VPS41: variants seen among roughly 807,000 people sequenced by gnomAD.
VPS41 encodes VPS41 subunit of HOPS complex, also known as vacuolar protein sorting-associated protein 41 homolog.
VPS41 carries 85 observed loss-of-function variants against 130.9 expected under a neutral mutation model. The observed-to-expected ratio is 0.65, with a 90% confidence interval of 0.55 to 0.78. The LOEUF is 0.78. VPS41 is among the 30% of genes least tolerant of loss of function. The pLI, the probability that VPS41 is intolerant of heterozygous loss-of-function variation, is 0.00. For missense variants in VPS41, 874 were observed against 1,018.7 expected (o/e 0.86, Z 1.93); for synonymous variants, 335 against 332.9 (o/e 1.01, Z -0.07).
intron 4 of VPS41, among the ~76,000 whole-genome samples, chr7:38,845,860 C>G (rs557063020): frequency 2.6e-5 from 4 of 152,284 alleles, no homozygotes; most frequent in South Asian, 2.1e-4. Flanking sequence ...ACTTTTCTTT[C>G]CGTATATAAG....
chr7:38,770,528 T>C (rs1246674866), intron 14 of VPS41, among the ~76,000 whole-genome samples: 5 of 152,102 alleles, frequency 3.3e-5, no homozygotes, highest in South Asian at 2.1e-4. Context: ...ATGTGGAGTT[T>C]TACAGAGAAG....
chr7:38,876,014 A>G (rs1341836578), intron 2 of VPS41, among the ~76,000 whole-genome samples: 1 of 152,220 alleles, frequency 6.6e-6, no homozygotes, highest in Admixed American at 6.5e-5. Context: ...TTAAATGAGT[A>G]GTTCTCAGCC....
intron 9 of VPS41, among the ~76,000 whole-genome samples, chr7:38,792,750 G>C (rs6462865): frequency 0.69 from 105,268 of 151,932 alleles, 37,871 homozygotes; most frequent in East Asian, 0.88. Context: ...TCCTACCTCA[G>C]TCAAATTAAA....
At chr7:38,900,464 A>C (rs1787117643) in intron 1 of VPS41, among the ~76,000 whole-genome samples, 1 of 152,170 alleles carries the variant, frequency 6.6e-6, no homozygotes, top group Non-Finnish European at 1.5e-5. Context: ...GGTGACAGTG[A>C]CACTAAAATC....
intron 7 of VPS41, among the ~76,000 whole-genome samples, chr7:38,811,455 T>A (rs1487170839): frequency 6.6e-6 from 1 of 152,064 alleles, no homozygotes; most frequent in Non-Finnish European, 1.5e-5. Flanking sequence ...AAAGTTTGTA[T>A]GTTACAAGTC....
chr7:38,771,717 C>T (rs1226958261), intron 13 of VPS41, among the ~76,000 whole-genome samples: 2 of 152,106 alleles, frequency 1.3e-5, no homozygotes, highest in Non-Finnish European at 2.9e-5. Context: ...AAAATTAAGT[C>T]TTTGAAAAAT....
rs899192019 is a variant in VPS41 at position 38,808,442 on chromosome 7, T to C, written c.450+9375A>G. On this transcript the variant is annotated intron_variant, in intron 7 of 28. Transcript: ENST00000310301. ...TTTTTAATCAATTTTGGTACATTGA[T>C]GACAGCATGAAATACATTTCTAGGA... Among the ~76,000 whole-genome samples, 19 of 152,194 alleles carry C rather than the reference T, an allele frequency of 1.2e-4. 2 individuals carry two copies. Among genetic ancestry groups the C allele is most frequent in the East Asian group, 9.6e-4 (5 of 5,196 alleles).
intron 19 of VPS41, 24 bp from the exon 20 acceptor site, chr7:38,754,960 A>G (rs1783759956): frequency 1.2e-6 from 2 of 1,610,500 alleles, no homozygotes; most frequent in Non-Finnish European, 1.7e-6. Context: ...GAAAAGCCAC[A>G]GTCAATGAAA....
At chr7:38,852,562 G>A (rs1481765248) in intron 4 of VPS41, among the ~76,000 whole-genome samples, 1 of 152,122 alleles carries the variant, frequency 6.6e-6, no homozygotes, top group Non-Finnish European at 1.5e-5. Flanking sequence ...TATCCATTAA[G>A]TATTCAACTA....
chr7:38,732,723 GTA>G (rs1795691829), intron 25 of VPS41, among the ~76,000 whole-genome samples: 1 of 152,100 alleles, frequency 6.6e-6, no homozygotes, highest in Non-Finnish European at 1.5e-5. Context: ...CGTAATGCTG[GTA>G]TTAGGGTTAC....
intron 2 of VPS41, among the ~76,000 whole-genome samples, chr7:38,870,739 C>CAA (rs70977434): frequency 2.4e-3 from 72 of 29,718 alleles, no homozygotes; most frequent in African/African-American, 3.9e-3. Flanking sequence ...ACTATATGTT[C>CAA]AAAAAAAAAA....
chr7:38,869,711 G>C (rs576578691), intron 2 of VPS41, among the ~76,000 whole-genome samples: 2 of 152,174 alleles, frequency 1.3e-5, no homozygotes, highest in Admixed American at 6.5e-5. Flanking sequence ...TACATATGGA[G>C]AACTGTGATG....
intron 3 of VPS41, among the ~76,000 whole-genome samples, chr7:38,866,394 A>C (rs1412544692): frequency 6.6e-6 from 1 of 152,250 alleles, no homozygotes; most frequent in Non-Finnish European, 1.5e-5. Context: ...CTGTGGAGGC[A>C]GTAGAAGATA....
At chr7:38,895,358 C>T (rs1786960616) in intron 2 of VPS41, among the ~76,000 whole-genome samples, 1 of 151,928 alleles carries the variant, frequency 6.6e-6, no homozygotes, top group Non-Finnish European at 1.5e-5. Context: ...AAAAACAAAC[C>T]ACGTTAAGGT....
At chr7:38,850,489 A>G (rs1785830481) in intron 4 of VPS41, among the ~76,000 whole-genome samples, 1 of 152,268 alleles carries the variant, frequency 6.6e-6, no homozygotes, top group African/African-American at 2.4e-5. Flanking sequence ...TTAAGCTTTT[A>G]AATAACTTAA....
At chr7:38,884,026 T>C (rs1313660444) in intron 2 of VPS41, among the ~76,000 whole-genome samples, 1 of 152,196 alleles carries the variant, frequency 6.6e-6, no homozygotes, top group Non-Finnish European at 1.5e-5. Context: ...GCAATCAATC[T>C]CATAACAGGG....
intron 4 of VPS41, chr7:38,831,147 T>TCTTGAGTTCATCTGAATGAACTCAGAA (rs1785379444): frequency 2.1e-6 from 1 of 467,116 alleles, no homozygotes; most frequent in Non-Finnish European, 4.4e-6. Flanking sequence ...CTTATTCAGA[T>TCTTGAGTTCATCTGAATGAACTCAGAA]CTTGAGTTCA....
chr7:38,778,359 C>T (rs59642032), intron 10 of VPS41, among the ~76,000 whole-genome samples: 7,465 of 152,232 alleles, frequency 0.049, 622 homozygotes, highest in African/African-American at 0.17. Flanking sequence ...TCTAGCGTAA[C>T]CAGGCTGCGG....
At chr7:38,753,863 T>C (rs964731990) in intron 21 of VPS41, among the ~76,000 whole-genome samples, 1 of 152,124 alleles carries the variant, frequency 6.6e-6, no homozygotes, top group Non-Finnish European at 1.5e-5. Context: ...TTCAAAAGCT[T>C]CAAAGCAGAA....
Sources: gnomAD v4.1 joint callset for allele counts (sites outside exome capture counted in the v4.1 genomes callset) on GRCh38, gnomAD v4.1.1 for gene constraint, MANE v1.5 for transcripts, NCBI Gene and HGNC (gene_info 2026-07-23, HGNC 2026-07-21) for gene names.